The following ERC1 variants were observed in gnomAD, a reference collection of about 807,000 sequenced individuals.
ERC1 encodes the protein RAB6 interacting protein 2.
Under a neutral mutation model 132.0 loss-of-function variants are expected in ERC1, and 56 were observed. The observed-to-expected ratio is 0.42, with a 90% CI of 0.34 to 0.53. The LOEUF is 0.53. ERC1 is among the 20% of genes least tolerant of loss of function. The probability of loss-of-function intolerance (pLI) is 0.03; values close to 1 mark genes in which losing one functional copy is unlikely to be tolerated. For missense variants in ERC1, 1,202 were observed against 1,349.9 expected (o/e 0.89, Z 1.72); for synonymous variants, 478 against 476.1 (o/e 1.00, Z -0.05).
At chr12:1,443,518 A>G (rs2093220399) in intron 17 of ERC1, 1 of 152,214 alleles carries the variant, frequency 6.6e-6, no homozygotes, top group Non-Finnish European at 1.5e-5. Context: ...GGCCGGTGAC[A>G]TGCAACAGGT....
intron 2 of ERC1, among the ~76,000 whole-genome samples, chr12:1,079,950 C>T (rs535044359): frequency 1.3e-5 from 2 of 152,190 alleles, no homozygotes; most frequent in Admixed American, 6.5e-5. Context: ...ATCAGAATTA[C>T]AATTGTACAT....
At chr12:1,461,673 A>G (rs2093648255) in intron 18 of ERC1, among the ~76,000 whole-genome samples, 1 of 152,108 alleles carries the variant, frequency 6.6e-6, no homozygotes. Context: ...GTCTCAAAAA[A>G]TAATAATAAT....
At chr12:1,459,873 CCAAA>C (rs1486644041) in intron 18 of ERC1, among the ~76,000 whole-genome samples, 1 of 152,080 alleles carries the variant, frequency 6.6e-6, no homozygotes, top group African/African-American at 2.4e-5. Flanking sequence ...GGTACTCTTG[CCAAA>C]CAATCACCTG....
chr12:1,384,606 C>G (rs545618270), intron 16 of ERC1, among the ~76,000 whole-genome samples: 1 of 152,130 alleles, frequency 6.6e-6, no homozygotes, highest in South Asian at 2.1e-4. Flanking sequence ...GATTGGAAAG[C>G]TGCTGAAAAG....
At chr12:1,084,848 T>A (rs1468441297) in intron 3 of ERC1, among the ~76,000 whole-genome samples, 5 of 151,996 alleles carry the variant, frequency 3.3e-5, no homozygotes, top group African/African-American at 7.2e-5. Context: ...CATGCCACCA[T>A]GCATTGTTAA....
In ERC1 at chr12:1,490,205, T is replaced by A; in HGVS notation, c.3326T>A (p.Val1109Asp). ...TGTCCCGACATCCTAGAGCAAGTGG[T>A]CAACGCCCTGGAAGAGTCCTCTTGA... ...DHCPDILEQV[V>D]NALEESS Residue 1109 changes from valine to aspartate, a missense_variant, in exon 19 of 19, where the codon GTC (valine) becomes GAC (aspartate). By Grantham distance (152) the Val-to-Asp change is radical (BLOSUM62 -3). Coordinates refer to ENST00000360905, the MANE Select transcript of ERC1 (RefSeq NM_178040.4). The A allele has an allele frequency of 6.2e-7, 1 of 1,614,144 alleles. No homozygotes were observed. The highest frequency in any genetic ancestry group is 8.5e-7 in the Non-Finnish European group (1 of 1,180,010).
At chr12:1,170,165 C>T (rs2154265444) in intron 8 of ERC1, among the ~76,000 whole-genome samples, 1 of 152,082 alleles carries the variant, frequency 6.6e-6, no homozygotes, top group East Asian at 1.9e-4. Flanking sequence ...CTGTCTTATT[C>T]ATGTAATAGT....
chr12:1,047,454 G>A (rs1367204970), intron 2 of ERC1, among the ~76,000 whole-genome samples: 2 of 152,082 alleles, frequency 1.3e-5, no homozygotes, highest in Non-Finnish European at 2.9e-5. Context: ...CCAGTAGTTG[G>A]ATTTTTGGCT....
chr12:1,104,172 G>C (rs1017455875), intron 3 of ERC1, among the ~76,000 whole-genome samples: 2 of 150,932 alleles, frequency 1.3e-5, no homozygotes, highest in African/African-American at 2.4e-5. Context: ...TTCTGAACCT[G>C]AACTACTTAG....
intron 15 of ERC1, among the ~76,000 whole-genome samples, chr12:1,300,608 GA>G (rs1262177633): frequency 1.3e-5 from 2 of 151,084 alleles, no homozygotes; most frequent in Non-Finnish European, 2.9e-5. Flanking sequence ...AAATTTACAA[GA>G]AAAAAACAAC....
At chr12:1,489,099 T>TGGGC (rs2154434704) in intron 18 of ERC1, among the ~76,000 whole-genome samples, 1 of 152,322 alleles carries the variant, frequency 6.6e-6, no homozygotes, top group Non-Finnish European at 1.5e-5. Flanking sequence ...GGCCCTCGCG[T>TGGGC]GTGTTTTCAG....
intron 18 of ERC1, among the ~76,000 whole-genome samples, chr12:1,484,148 A>G (rs1456889676): frequency 6.6e-6 from 1 of 151,854 alleles, no homozygotes; most frequent in Non-Finnish European, 1.5e-5. Context: ...TACTAAAAAT[A>G]CAAAAAATTA....
At chr12:1,344,358 G>C (rs2084227611) in intron 15 of ERC1, among the ~76,000 whole-genome samples, 1 of 152,150 alleles carries the variant, frequency 6.6e-6, no homozygotes, top group Non-Finnish European at 1.5e-5. Flanking sequence ...ATCTCAGTGG[G>C]AGAAAGGGGG....
chr12:1,240,649 T>C (rs1465212491), intron 13 of ERC1, among the ~76,000 whole-genome samples: 1 of 152,138 alleles, frequency 6.6e-6, no homozygotes, highest in Non-Finnish European at 1.5e-5. Context: ...TGCTTGAATT[T>C]CATGGAGTTG....
At chr12:1,402,245 A>C (rs1220453620) in intron 16 of ERC1, among the ~76,000 whole-genome samples, 1 of 152,212 alleles carries the variant, frequency 6.6e-6, no homozygotes, top group Non-Finnish European at 1.5e-5. Flanking sequence ...ATTGAAAATG[A>C]AAAGGCTGGG....
chr12:1,456,985 C>T (rs922094689), intron 18 of ERC1, among the ~76,000 whole-genome samples: 6 of 152,112 alleles, frequency 3.9e-5, no homozygotes, highest in Admixed American at 6.5e-5. Flanking sequence ...ATATTTCAGT[C>T]GATGACGGAC....
intron 12 of ERC1, among the ~76,000 whole-genome samples, chr12:1,202,908 A>G (rs545952925): frequency 1.8e-4 from 28 of 152,206 alleles, no homozygotes; most frequent in Non-Finnish European, 3.4e-4. Flanking sequence ...CATTGGGAAC[A>G]ATCATTTAGA....
At chr12:1,029,002 CAAAAT>C (rs1477254185) in intron 2 of ERC1, among the ~76,000 whole-genome samples, 1 of 152,050 alleles carries the variant, frequency 6.6e-6, no homozygotes, top group East Asian at 1.9e-4. Flanking sequence ...AAAAACAAAA[CAAAAT>C]GACTATCACA....
At chr12:1,053,404 G>A (rs1170612044) in intron 2 of ERC1, among the ~76,000 whole-genome samples, 1 of 152,196 alleles carries the variant, frequency 6.6e-6, no homozygotes, top group East Asian at 1.9e-4. Context: ...TTGTCAGGTA[G>A]AAATAATGCT....
Sources: gnomAD v4.1 joint callset for allele counts (sites outside exome capture counted in the v4.1 genomes callset) on GRCh38, gnomAD v4.1.1 for gene constraint, MANE v1.5 for transcripts, NCBI Gene and HGNC (gene_info 2026-07-23, HGNC 2026-07-21) for gene names.